Variants in CENPP observed in about 807,000 individuals in gnomAD.
CENPP encodes centromere protein P.
Under a neutral mutation model 35.6 loss-of-function variants are expected in CENPP, and 24 were observed. The ratio of observed to expected loss-of-function variants is 0.67; its 90% CI spans 0.49 to 0.95. The LOEUF is 0.95. Among genes scored for constraint, CENPP ranks in the 40% least tolerant of loss-of-function variants. CENPP has a pLI of 0.00. For synonymous variants in CENPP, 120 were observed against 125.5 expected (o/e 0.96, Z 0.29); for missense variants, 332 against 345.3 (o/e 0.96, Z 0.31).
chr9:92,482,803 C>T (rs1050854011), intron 5 of CENPP, among the ~76,000 whole-genome samples: 8 of 151,912 alleles, frequency 5.3e-5, no homozygotes, highest in African/African-American at 1.9e-4. Context: ...TAAAGGATAC[C>T]AACATTACTG....
intron 4 of CENPP, among the ~76,000 whole-genome samples, chr9:92,355,599 C>G (rs1360475909): frequency 6.6e-6 from 1 of 152,154 alleles, no homozygotes; most frequent in African/African-American, 2.4e-5. Flanking sequence ...ATTAAGGAGT[C>G]TATAGCACAA....
chr9:92,491,911 G>A (rs1017522212), intron 5 of CENPP, among the ~76,000 whole-genome samples: 5 of 152,100 alleles, frequency 3.3e-5, no homozygotes, highest in East Asian at 1.9e-4. Context: ...TTCCTGGCCT[G>A]AGGAGCCCTC....
At chr9:92,518,915 A>G (rs562403424) in intron 5 of CENPP, among the ~76,000 whole-genome samples, 2 of 152,306 alleles carry the variant, frequency 1.3e-5, no homozygotes, top group Non-Finnish European at 2.9e-5. Context: ...AATAAAGTTC[A>G]TGATGCAGTG....
intron 5 of CENPP, chr9:92,496,010 G>T: frequency 3.0e-6 from 3 of 1,004,240 alleles, no homozygotes; most frequent in Non-Finnish European, 3.6e-6. Flanking sequence ...TGATTATAAA[G>T]GCTGTGTTTA....
intron 5 of CENPP, among the ~76,000 whole-genome samples, chr9:92,533,609 A>T (rs1451148856): frequency 6.6e-6 from 1 of 151,774 alleles, no homozygotes; most frequent in Non-Finnish European, 1.5e-5. Flanking sequence ...AGGTCTAATG[A>T]TCTGACTTGC....
Position 92,345,772 on chromosome 9 carries a change from G to C in CENPP, c.452G>C (p.Ser151Thr). ...GAGCCCACAGAATGCTCAGAATTAA[G>C]TGAATTTGTGTCTAGGTAAGCTATT... ...IMEPTECSEL[S>T]EFVSRAEERK... The change falls in exon 4 of 8, where the codon AGT becomes ACT. Residue 151 changes from serine to threonine, a missense_variant. By Grantham distance (58) the Ser-to-Thr change is moderately conservative (BLOSUM62 1). Transcript: ENST00000375587. The C allele has an allele frequency of 6.3e-7, 1 of 1,596,898 alleles. No individual in the cohort carries two copies. The highest frequency in any genetic ancestry group is 1.1e-5 in the South Asian group (1 of 90,026).
chr9:92,578,739 A>G (rs1391937342), intron 5 of CENPP, among the ~76,000 whole-genome samples: 1 of 151,784 alleles, frequency 6.6e-6, no homozygotes, highest in East Asian at 1.9e-4. Flanking sequence ...ATTTTCTCCC[A>G]TTCTGTAGGT....
chr9:92,505,503 A>T (rs755990076), intron 5 of CENPP: 2 of 1,548,972 alleles, frequency 1.3e-6, no homozygotes, highest in East Asian at 4.5e-5. Context: ...AATATAATAC[A>T]TTTAAAACAC....
intron 5 of CENPP, chr9:92,512,193 C>T: frequency 2.0e-6 from 2 of 1,006,226 alleles, no homozygotes; most frequent in Non-Finnish European, 3.1e-6. Context: ...CATGTATGGG[C>T]ATGTGTGCAT....
intron 5 of CENPP, among the ~76,000 whole-genome samples, chr9:92,494,939 C>A (rs980613881): frequency 6.6e-6 from 1 of 152,058 alleles, no homozygotes; most frequent in African/African-American, 2.4e-5. Context: ...TGGAATAAGT[C>A]AAACTTTTCA....
intron 5 of CENPP, among the ~76,000 whole-genome samples, chr9:92,382,892 C>CTTTTTTTTTTT: frequency 1.4e-5 from 1 of 69,812 alleles, no homozygotes; most frequent in Non-Finnish European, 2.7e-5. Flanking sequence ...CACTGTTTTC[C>CTTTTTTTTTTT]TTTTTTTTTT....
intron 5 of CENPP, among the ~76,000 whole-genome samples, chr9:92,484,749 A>G (rs1846016432): frequency 6.6e-6 from 1 of 151,898 alleles, no homozygotes; most frequent in Non-Finnish European, 1.5e-5. Flanking sequence ...CACCCAAGGC[A>G]CTCCTCAGTC....
chr9:92,606,078 T>C (rs1248532658), intron 5 of CENPP, among the ~76,000 whole-genome samples: 1 of 151,946 alleles, frequency 6.6e-6, no homozygotes, highest in Middle Eastern at 3.2e-3. Flanking sequence ...CTGGGCAACA[T>C]GGCAAAACCC....
At chr9:92,332,120 G>A (rs1183166303) in intron 1 of CENPP, 50 bp from the exon 2 acceptor site, 1 of 1,285,114 alleles carries the variant, frequency 7.8e-7, no homozygotes, top group Admixed American at 2.3e-5. Context: ...GTTATTAGAT[G>A]AAACACGTGT....
intron 5 of CENPP, among the ~76,000 whole-genome samples, chr9:92,466,129 G>A (rs1031203611): frequency 6.6e-6 from 1 of 152,048 alleles, no homozygotes; most frequent in Non-Finnish European, 1.5e-5. Flanking sequence ...CACCAGGCCT[G>A]GCCTCAAAGG....
At chr9:92,419,592 T>C (rs544664187) in intron 5 of CENPP, among the ~76,000 whole-genome samples, 2 of 152,240 alleles carry the variant, frequency 1.3e-5, no homozygotes, top group East Asian at 3.9e-4. Context: ...AGCCACTGCA[T>C]CCAGCCTCCT....
At chr9:92,403,794 C>T (rs1242881969) in intron 5 of CENPP, 6 of 507,436 alleles carry the variant, frequency 1.2e-5, no homozygotes, top group Non-Finnish European at 1.3e-5. Flanking sequence ...AATAAAGTCC[C>T]AAGATCCTGT....
intron 5 of CENPP, among the ~76,000 whole-genome samples, chr9:92,560,269 A>G (rs1849818724): frequency 6.6e-6 from 1 of 152,266 alleles, no homozygotes; most frequent in South Asian, 2.1e-4. Flanking sequence ...TCATGACTGA[A>G]GAAAGCATCA....
intron 4 of CENPP, among the ~76,000 whole-genome samples, chr9:92,358,502 C>T (rs1333476524): frequency 6.6e-6 from 1 of 152,152 alleles, no homozygotes; most frequent in African/African-American, 2.4e-5. Flanking sequence ...CCTTGGCCTC[C>T]CAAAGTGCTA....
Sources: gnomAD v4.1 joint callset for allele counts (sites outside exome capture counted in the v4.1 genomes callset) on GRCh38, gnomAD v4.1.1 for gene constraint, MANE v1.5 for transcripts, NCBI Gene and HGNC (gene_info 2026-07-23, HGNC 2026-07-21) for gene names.